Variants in CACNA2D4 observed in about 807,000 individuals in gnomAD.
CACNA2D4 encodes the protein calcium voltage-gated channel auxiliary subunit alpha2delta 4, also known as voltage-dependent calcium channel subunit alpha-2/delta-4.
In CACNA2D4, 157 loss-of-function variants were observed where a neutral mutation model predicts 163.8. That is an observed-to-expected ratio of 0.96 (90% CI 0.84 to 1.09). CACNA2D4 has a LOEUF of 1.09. Among genes scored for constraint, CACNA2D4 ranks in the 50% least tolerant of loss-of-function variants. The pLI is 0.00. For synonymous variants in CACNA2D4, 598 were observed against 586.9 expected (o/e 1.02, Z -0.27); for missense variants, 1,410 against 1,479.9 (o/e 0.95, Z 0.78).
At chr12:1,803,825 G>A (rs1863420806) in intron 29 of CACNA2D4, among the ~76,000 whole-genome samples, 1 of 152,206 alleles carries the variant, frequency 6.6e-6, no homozygotes, top group Non-Finnish European at 1.5e-5. Context: ...AGTTTGCATG[G>A]ACAGGCAGGG....
chr12:1,800,885 G>A, intron 31 of CACNA2D4, 158 bp downstream of exon 31: 1 of 661,038 alleles, frequency 1.5e-6, no homozygotes, highest in South Asian at 1.8e-5. Flanking sequence ...GAGTGGGACT[G>A]AGAGCAGTGG....
chr12:1,809,630 A>G (rs1257119153), intron 29 of CACNA2D4: 1 of 691,608 alleles, frequency 1.4e-6, no homozygotes, highest in Non-Finnish European at 2.6e-6. Flanking sequence ...ATATTATTGT[A>G]CTTTCTCTTT....
intron 4 of CACNA2D4, among the ~76,000 whole-genome samples, chr12:1,908,515 G>C (rs1302244130): frequency 6.6e-6 from 1 of 152,050 alleles, no homozygotes; most frequent in African/African-American, 2.4e-5. Context: ...CCTCTCCCAC[G>C]CGGTGTTGGA....
At chr12:1,825,636 G>A (rs1448298038) in intron 26 of CACNA2D4, among the ~76,000 whole-genome samples, 2 of 152,226 alleles carry the variant, frequency 1.3e-5, no homozygotes, top group Non-Finnish European at 2.9e-5. Context: ...ATGTATGTTA[G>A]CACATACCTA....
In CACNA2D4 at chr12:1,907,904, A is replaced by G; in HGVS notation, c.620T>C (p.Val207Ala). The G allele has an allele frequency of 6.2e-7, 1 of 1,614,026 alleles. No individual in the cohort carries two copies. Among genetic ancestry groups the G allele is most frequent in the East Asian group, 2.2e-5 (1 of 44,872 alleles). ...NLPVNTSISSVQLPTNVYNKD... is the reference protein window; with the variant it reads ...NLPVNTSISSAQLPTNVYNKD... The stretch of plus-strand genomic sequence containing the variant: ...GTTGTACACGTTGGTGGGCAGCTGC[A>G]CGCTGCTGATGGAGGTGTTCACCGG... The change falls in exon 5 of 38, where the codon GTG (valine) becomes GCG (alanine). Residue 207 changes from valine (V) to alanine (A), a missense_variant. Transcript: ENST00000382722.
chr12:1,907,547 T>TA lies in CACNA2D4; in HGVS notation c.673dup (p.Tyr225LeufsTer4), dbSNP rs1866688763. On this transcript the variant is annotated frameshift_variant, in exon 6 of 38. Coordinates refer to ENST00000382722, the MANE Select transcript of CACNA2D4 (RefSeq NM_172364.5). LOFTEE classifies it high-confidence loss of function. The stretch of plus-strand genomic sequence containing the variant: ...GACAGCATTCAAGGCTTCAGACATG[T>TA]AGACTCCATTTAAAATATCTGGGTC... 6.2e-7 allele frequency: 1 copy of TA among 1,612,918 alleles called. No individual in the cohort carries two copies.
chr12:1,908,762 G>C (rs1362460923), intron 4 of CACNA2D4, among the ~76,000 whole-genome samples: 8 of 116,726 alleles, frequency 6.9e-5, no homozygotes, highest in African/African-American at 3.5e-4. Flanking sequence ...TCCCACGCCG[G>C]ACTGCCTCAC....
At chr12:1,835,611 C>T (rs1292069535) in intron 26 of CACNA2D4, 1 of 152,686 alleles carries the variant, frequency 6.5e-6, no homozygotes, top group Non-Finnish European at 1.5e-5. Flanking sequence ...CTTTGAGATC[C>T]TCTAAAGTGG....
rs1041374445 is a variant in CACNA2D4 at position 1,833,236 on chromosome 12, A to G, written c.2551+7503T>C. Reference sequence around the variant, plus strand: ...CCTATTGTATGAGGAGACTTGCGGCAGATGGGCTGCAGAGGGAGCTGCCAG... The same window carrying G: ...CCTATTGTATGAGGAGACTTGCGGCGGATGGGCTGCAGAGGGAGCTGCCAG... On this transcript the variant is annotated intron_variant, in intron 26 of 37. Coordinates refer to ENST00000382722, the MANE Select transcript of CACNA2D4 (RefSeq NM_172364.5). This position sits in a 1 kb window ranked among gnomAD's most constrained non-coding sequence, Gnocchi z 4.2. 1.2e-4 allele frequency among the ~76,000 whole-genome samples: 19 copies of G among 152,234 alleles called. No individual in the cohort carries two copies. Among genetic ancestry groups the G allele is most frequent in the African/African-American group, 4.1e-4 (17 of 41,464 alleles).
In CACNA2D4 at chr12:1,792,090, G is replaced by A. The variant is rs1862994056; in HGVS notation, c.*1565C>T. On this transcript the variant is annotated 3_prime_UTR_variant, in exon 38 of 38. Transcript: ENST00000382722. ...TTTGGAGGCAATTTTCAACTCTGCT[G>A]CAGTTTCTATAACATGGGACTAATG... The A allele has an allele frequency of 6.6e-6, 1 of 152,220 alleles. No individual in the cohort carries two copies. Among genetic ancestry groups the A allele is most frequent in the African/African-American group, 2.4e-5 (1 of 41,444 alleles). 9.4% of individuals were successfully genotyped at this position (152,220 alleles called of 1,614,324 possible). A position where few individuals can be genotyped will look rare whatever the true frequency, so the allele number is the denominator to read the frequency against.
chr12:1,908,930 C>A (rs1336467267), intron 4 of CACNA2D4, among the ~76,000 whole-genome samples: 2 of 151,680 alleles, frequency 1.3e-5, no homozygotes, highest in African/African-American at 4.8e-5. Context: ...TTCCTGCACC[C>A]CACACCCGGC....
intron 18 of CACNA2D4, among the ~76,000 whole-genome samples, chr12:1,868,539 TC>T (rs2154448955): frequency 6.6e-6 from 1 of 151,754 alleles, no homozygotes; most frequent in Non-Finnish European, 1.5e-5. Flanking sequence ...AGGCTAGAGC[TC>T]TAATGTACAA....
intron 13 of CACNA2D4, 72 bp from the exon 14 acceptor site, chr12:1,879,953 C>G: frequency 8.1e-6 from 8 of 993,368 alleles, no homozygotes; most frequent in Non-Finnish European, 1.1e-5. Context: ...TCGGAGCACC[C>G]AGTGCGGAGA....
At chr12:1,846,937 C>G (rs1865159216) in intron 23 of CACNA2D4, among the ~76,000 whole-genome samples, 1 of 152,256 alleles carries the variant, frequency 6.6e-6, no homozygotes, top group Non-Finnish European at 1.5e-5. Flanking sequence ...CTCTGCCTCT[C>G]TGCCTCGGCA....
At chr12:1,902,937 A>G (rs11513705) in intron 6 of CACNA2D4, among the ~76,000 whole-genome samples, 23,038 of 152,130 alleles carry the variant, frequency 0.15, 2,011 homozygotes, top group African/African-American at 0.24. Context: ...ACAAAACTGG[A>G]GGAGTAACAT....
rs1025714794 is a variant in CACNA2D4, at chr12:1,843,949, C to T, written c.2470+453G>A. Among the ~76,000 whole-genome samples the T allele has an allele frequency of 1.2e-4, 18 of 152,210 alleles. No individual in the cohort carries two copies. The highest frequency in any genetic ancestry group is 7.2e-4 in the Admixed American group (11 of 15,286). On this transcript the variant is annotated intron_variant, in intron 25 of 37. Transcript: ENST00000382722. This position sits in a 1 kb window ranked among gnomAD's most constrained non-coding sequence, Gnocchi z 4.6. ...CTGGGTGGTCCTGGGTAACTGGGGA[C>T]GGGTTGCTTTCTTTCTGTTTGGGAA...
Position 1,907,928 on chromosome 12 carries a change from G to C in CACNA2D4, c.596C>G (p.Pro199Arg). The C allele has an allele frequency of 1.2e-6, 2 of 1,614,054 alleles. No homozygotes were observed. The highest frequency in any genetic ancestry group is 2.2e-5 in the South Asian group (2 of 91,086). The change falls in exon 5 of 38, where the codon CCG becomes CGG. Residue 199 changes from proline to arginine, a missense_variant. Coordinates refer to ENST00000382722, the MANE Select transcript of CACNA2D4 (RefSeq NM_172364.5). ...CACGCTGCTGATGGAGGTGTTCACC[G>C]GCAGGTTGCTGAAGTGAGCATTGGA... ...LESNAHFSNLPVNTSISSVQL... is the reference protein window; with the variant it reads ...LESNAHFSNLRVNTSISSVQL...
chr12:1,908,668 G>A (rs532975102), intron 4 of CACNA2D4, among the ~76,000 whole-genome samples: 64 of 149,104 alleles, frequency 4.3e-4, no homozygotes, highest in African/African-American at 1.5e-3. Context: ...ACATCCCCAC[G>A]CCAACTCCCA....
chr12:1,851,676 T>TGC (rs1865284736), intron 23 of CACNA2D4, among the ~76,000 whole-genome samples: 3 of 53,238 alleles, frequency 5.6e-5, no homozygotes, highest in African/African-American at 2.0e-4. Context: ...TGTGTGTGTG[T>TGC]GCGTTTTTTT....
Sources: allele counts gnomAD v4.1 joint callset (sites outside exome capture counted in the v4.1 genomes callset), GRCh38; gene constraint gnomAD v4.1.1; non-coding constraint Gnocchi (gnomAD v3.1); transcripts MANE v1.5; gene names NCBI Gene and HGNC (gene_info 2026-07-23, HGNC 2026-07-21).